Variants in MUC3A observed in about 807,000 individuals in gnomAD.
MUC3A encodes mucin 3A, cell surface associated, also known as mucin-3A.
A neutral mutation model predicts 109.0 loss-of-function variants in MUC3A; 109 were observed. That is an observed-to-expected ratio of 1.00 (90% CI 0.86 to 1.17). The LOEUF (loss-of-function observed/expected upper bound fraction) is 1.17. Among genes scored for constraint, MUC3A ranks in the 50% most tolerant of loss-of-function variants. MUC3A has a pLI of 0.00. For missense variants in MUC3A, 3,537 were observed against 2,469.4 expected (o/e 1.43, Z -9.16); for synonymous variants, 1,398 against 981.4 (o/e 1.42, Z -7.93).
rs773749365 is a variant in MUC3A, at chr7:100,960,520, C to T, written c.8741C>T (p.Pro2914Leu). Residue 2914 changes from proline (P) to leucine (L), a missense_variant, in exon 2 of 12, where the codon CCA (proline) becomes CTA (leucine). Transcript: ENST00000379458. ...RTSSKSTHPS[P>L]PTTRTSETPV... ...TCAAGCAAGTCAACACACCCCTCCC[C>T]ACCCACCACTAGGACTTCAGAGACA... 6.9e-6 allele frequency: 11 copies of T among 1,598,592 alleles called. No homozygotes were observed. In the African/African-American group the frequency reaches 1.5e-4, roughly 21 times the overall value.
chr7:100,963,859 G>GA (rs1792427896), intron 5 of MUC3A, 107 bp downstream of exon 5: 2 of 1,487,092 alleles, frequency 1.3e-6, no homozygotes, highest in Admixed American at 1.9e-5. Context: ...ATAAAGAGGG[G>GA]TGGAGGGGGT....
In MUC3A at chr7:100,958,041, C is replaced by G; in HGVS notation, c.6262C>G (p.His2088Asp). 7.7e-7 allele frequency: 1 copy of G among 1,305,134 alleles called. No homozygotes were observed. 80.8% of individuals were successfully genotyped at this position (1,305,134 alleles called of 1,614,324 possible). The change falls in exon 2 of 12, where the codon CAC (histidine) becomes GAC (aspartate). Residue 2088 changes from histidine to aspartate, a missense_variant. His to Asp is a moderately conservative substitution (Grantham distance 81, BLOSUM62 -1). Coordinates refer to ENST00000379458, the MANE Select transcript of MUC3A (RefSeq NM_005960.2). The stretch of plus-strand genomic sequence containing the variant: ...AATCACCACCACCGAGACCCCCTCA[C>G]ACAGTACTCTCAGCTTCACTTCTTC... ...TSITTTETPS[H>D]STLSFTSSIT...
chr7:100,958,880 C>G lies in MUC3A; in HGVS notation c.7101C>G (p.Thr2367=), dbSNP rs773139767. The change falls in exon 2 of 12, where the codon ACC becomes ACG. Residue 2367 remains threonine, a synonymous_variant. Coordinates refer to ENST00000379458, the MANE Select transcript of MUC3A (RefSeq NM_005960.2). The part of the protein sequence containing the change: ...SFTSSITTTE[T]TSHSTPSFSS... Reference sequence around the variant, plus strand: ...CTTCTTCGATCACCACCACCGAGACCACCTCACACAGTACTCCCAGCTTCA... The same window carrying G: ...CTTCTTCGATCACCACCACCGAGACGACCTCACACAGTACTCCCAGCTTCA... 1.3e-5 allele frequency: 20 copies of G among 1,594,012 alleles called. No individual in the cohort carries two copies. Among genetic ancestry groups the G allele is most frequent in the Middle Eastern group, 1.6e-4 (1 of 6,064 alleles).
intron 3 of MUC3A, 75 bp from the exon 4 acceptor site, chr7:100,963,076 G>A: frequency 1.3e-6 from 2 of 1,506,124 alleles, no homozygotes; most frequent in Non-Finnish European, 9.0e-7. Context: ...GAGCCTGTGG[G>A]TTGGGGTGGT....
chr7:100,960,773 C>A lies in MUC3A; in HGVS notation c.8888C>A (p.Thr2963Asn). The A allele has an allele frequency of 6.3e-7, 1 of 1,598,156 alleles. No individual in the cohort carries two copies. Among genetic ancestry groups the A allele is most frequent in the Non-Finnish European group, 8.5e-7 (1 of 1,179,590 alleles). Residue 2963 changes from threonine (T) to asparagine (N), a missense_variant, in exon 3 of 12, where the codon ACC (threonine) becomes AAC (asparagine). Coordinates refer to ENST00000379458, the MANE Select transcript of MUC3A (RefSeq NM_005960.2). ...CCAGGCACCTGTGACAATGGTGGCA[C>A]CTGGGAACAGGGCCAGTGTGCTTGC... Reference protein sequence around the residue: ...TTAGTCDNGGTWEQGQCACLP... With the variant: ...TTAGTCDNGGNWEQGQCACLP...
At chr7:100,966,046 T>TCGC in intron 8 of MUC3A, 180 bp downstream of exon 8, 1 of 232,436 alleles carries the variant, frequency 4.3e-6, no homozygotes, top group Non-Finnish European at 6.5e-6. Context: ...GGAGCTCTGC[T>TCGC]CCTTTGATGG....
At chr7:100,965,501 T>C in intron 7 of MUC3A, 154 bp downstream of exon 7, 1 of 1,439,596 alleles carries the variant, frequency 6.9e-7, no homozygotes, top group Non-Finnish European at 9.3e-7. Context: ...GTTAGTGGCT[T>C]CCACCTGAGG....
chr7:100,953,087 A>C lies in MUC3A; in HGVS notation c.1308A>C (p.Pro436=), dbSNP rs1401606406. The part of the protein sequence containing the change: ...GTMVTSTTMT[P]SSLSTDIPFT... ...TGGTGACTTCCACAACCATGACCCC[A>C]TCTTCTCTGAGTACAGACATCCCTT... Residue 436 remains proline, a synonymous_variant, in exon 2 of 12, where the codon CCA becomes CCC. Transcript: ENST00000379458. The C allele has an allele frequency of 5.9e-6, 6 of 1,023,308 alleles. No homozygotes were observed. In the African/African-American group the frequency reaches 1.0e-4, roughly 17 times the overall value. 63.4% of individuals were successfully genotyped at this position (1,023,308 alleles called of 1,614,324 possible). A position where few individuals can be genotyped will look rare whatever the true frequency, so the allele number is the denominator to read the frequency against.
chr7:100,957,651 T>C lies in MUC3A; in HGVS notation c.5872T>C (p.Phe1958Leu). The C allele has an allele frequency of 3.2e-6, 5 of 1,577,282 alleles. No homozygotes were observed. The highest frequency in any genetic ancestry group is 1.7e-5 in the Admixed American group (1 of 59,644). Residue 1958 changes from phenylalanine to leucine, a missense_variant, in exon 2 of 12, where the codon TTC becomes CTC. Coordinates refer to ENST00000379458, the MANE Select transcript of MUC3A (RefSeq NM_005960.2). ...TKTTSHSSPS[F>L]TSSITTTETT... ...GACCACCTCACACAGCTCTCCCAGCTTCACTTCTTCGATCACCACCACCGA... is the reference window on the plus strand; with the variant it reads ...GACCACCTCACACAGCTCTCCCAGCCTCACTTCTTCGATCACCACCACCGA...
rs751684615 is a variant in MUC3A, at chr7:100,960,584, A to ATG, written c.8805_8806insTG (p.Arg2936CysfsTer11). ...CCCAGACTCCTACCACCCTTACATC[A>ATG]CGCAGGACAACTCGCATCACTTCTC... is the stretch of plus-strand genomic sequence containing the variant. On this transcript the variant is annotated frameshift_variant, in exon 2 of 12. Transcript: ENST00000379458. LOFTEE classifies it high-confidence loss of function. 6.9e-5 allele frequency: 108 copies of ATG among 1,558,184 alleles called. No homozygotes were observed. Among genetic ancestry groups the ATG allele is most frequent in the Middle Eastern group, 3.4e-4 (2 of 5,962 alleles).
rs1466221921 is a variant in MUC3A, at chr7:100,965,358, G to A, written c.9448+11G>A. ...AGCTGACCCCGGCAGGTAAGGGTGG[G>A]GTAAAGGGCTGAGTGGTCTCCCGCG... is the stretch of plus-strand genomic sequence containing the variant. On this transcript the variant is annotated intron_variant, in intron 7 of 11. Coordinates refer to ENST00000379458, the MANE Select transcript of MUC3A (RefSeq NM_005960.2). 17 of 1,596,800 alleles carry A rather than the reference G, an allele frequency of 1.1e-5. No individual in the cohort carries two copies. The Admixed American group carries it at 2.9e-4, about 27-fold the overall frequency.
chr7:100,963,000 A>G (rs1792391179), intron 3 of MUC3A, 151 bp from the exon 4 acceptor site: 1 of 808,754 alleles, frequency 1.2e-6, no homozygotes, highest in Non-Finnish European at 1.9e-6. Flanking sequence ...TGCATCCTGG[A>G]ATTCCTACAT....
At chr7:100,961,779 CACT>C in intron 3 of MUC3A, among the ~76,000 whole-genome samples, 1 of 152,418 alleles carries the variant, frequency 6.6e-6, no homozygotes, top group South Asian at 2.1e-4. Context: ...CGCCACTGCA[CACT>C]AGCGTAGATG....
At position 100,959,470 on chromosome 7, in the gene MUC3A, G is replaced by T; in HGVS notation, c.7691G>T (p.Ser2564Ile). 1 of 1,575,730 alleles carries T rather than the reference G, an allele frequency of 6.3e-7. No homozygotes were observed. The highest frequency in any genetic ancestry group is 8.5e-7 in the Non-Finnish European group (1 of 1,170,388). The change falls in exon 2 of 12, where the codon AGT becomes ATT. Residue 2564 changes from serine (S) to isoleucine (I), a missense_variant. Transcript: ENST00000379458. ...TLRITENTPI[S>I]SFSTSIVVIP... ...AGAATTACTGAGAACACCCCAATCA[G>T]TTCCTTTAGCACAAGTATTGTTGTT... is the stretch of plus-strand genomic sequence containing the variant.
In MUC3A at chr7:100,968,287, C is replaced by T. The variant is rs1323270574; in HGVS notation, c.*1125C>T. ...TGGCGGGGAAGATTGGCTTTGGGGA[C>T]AGGAAGTCGGCACATCTCCAGGTCT... On this transcript the variant is annotated 3_prime_UTR_variant, in exon 12 of 12. Coordinates refer to ENST00000379458, the MANE Select transcript of MUC3A (RefSeq NM_005960.2). 2 of 153,008 alleles carry T rather than the reference C, an allele frequency of 1.3e-5. No individual in the cohort carries two copies. The highest frequency in any genetic ancestry group is 2.4e-5 in the African/African-American group (1 of 41,494). 9.5% of individuals were successfully genotyped at this position (153,008 alleles called of 1,614,324 possible).
At chr7:100,965,220 AC>A in intron 6 of MUC3A, 61 bp from the exon 7 acceptor site, 1 of 1,566,660 alleles carries the variant, frequency 6.4e-7, no homozygotes, top group South Asian at 1.1e-5. Flanking sequence ...CCTGGCGCTA[AC>A]CCCTTGACCT....
At position 100,949,812 on chromosome 7, in the gene MUC3A, G is replaced by T. The variant is rs546290777; in HGVS notation, c.61+127G>T. On this transcript the variant is annotated intron_variant, in intron 1 of 11. Transcript: ENST00000379458. Reference sequence around the variant, plus strand: ...GAAGGCACCGCTTGGGGCTCTGGGTGCAGGGAGAACCGAGGCACGGCCTGA... The same window carrying T: ...GAAGGCACCGCTTGGGGCTCTGGGTTCAGGGAGAACCGAGGCACGGCCTGA... The T allele has an allele frequency of 7.9e-4, 785 of 988,630 alleles. 3 individuals carry two copies. The highest frequency in any genetic ancestry group is 2.9e-3 in the South Asian group (165 of 57,884). The allele number at this position is 988,630 out of a possible 1,614,324, so 61.2% of individuals were successfully genotyped here.
In MUC3A at chr7:100,967,149, C is replaced by G; in HGVS notation, c.9959C>G (p.Ser3320Trp). 3 of 1,598,540 alleles carry G rather than the reference C, an allele frequency of 1.9e-6. No homozygotes were observed. The highest frequency in any genetic ancestry group is 2.5e-6 in the Non-Finnish European group (3 of 1,179,824). Reference sequence around the variant, plus strand: ...CACATCAAGAGACCCGAGATGACCTCGTCCTCAGTGTGAGCCCTGCGGGGC... The same window carrying G: ...CACATCAAGAGACCCGAGATGACCTGGTCCTCAGTGTGAGCCCTGCGGGGC... ...KVHIKRPEMT[S>W]SSV The change falls in exon 12 of 12, where the codon TCG (serine) becomes TGG (tryptophan). Residue 3320 changes from serine to tryptophan, a missense_variant. Coordinates refer to ENST00000379458, the MANE Select transcript of MUC3A (RefSeq NM_005960.2).
Position 100,966,625 on chromosome 7 carries a change from G to C in MUC3A, c.9786-27G>C, listed in dbSNP as rs368574643. The C allele has an allele frequency of 1.0e-3, 1,631 of 1,597,690 alleles. No homozygotes were observed. The African/African-American group carries it at 0.02, about 19-fold the overall frequency. ...AAGGGGTCCCAGGCGGGCCGGCTCT[G>C]TCTGACCGCGCGGCGGCCCCACCTA... On this transcript the variant is annotated intron_variant, in intron 9 of 11. Coordinates refer to ENST00000379458, the MANE Select transcript of MUC3A (RefSeq NM_005960.2).
Sources: gnomAD v4.1 joint callset for allele counts (sites outside exome capture counted in the v4.1 genomes callset) on GRCh38, gnomAD v4.1.1 for gene constraint, MANE v1.5 for transcripts, NCBI Gene and HGNC (gene_info 2026-07-23, HGNC 2026-07-21) for gene names.